ERBIN: variants seen among roughly 807,000 people sequenced by gnomAD.
ERBIN encodes erbb2 interacting protein.
A neutral mutation model predicts 158.4 loss-of-function variants in ERBIN; 60 were observed. The ratio of observed to expected loss-of-function variants is 0.38; its 90% CI spans 0.31 to 0.47. ERBIN has a LOEUF of 0.47. Among genes scored for constraint, ERBIN ranks in the 20% least tolerant of loss-of-function variants. The pLI is 0.99. For missense variants in ERBIN, 1,610 were observed against 1,648.0 expected, an observed-to-expected ratio of 0.98 and a Z score of 0.40; for synonymous variants, 594 against 557.2, an observed-to-expected ratio of 1.07 and a Z score of -0.93.
chr5:66,012,071 T>C lies in ERBIN; in HGVS notation c.330T>C (p.Asn110=). The part of the protein sequence containing the change: ...SKNGIQEFPE[N]IKNCKVLTIV... Reference sequence around the variant, plus strand: ...TAGGAATACAGGAGTTTCCAGAAAATATAAAAAATTGTAAAGTTTTGACAA... The same window carrying C: ...TAGGAATACAGGAGTTTCCAGAAAACATAAAAAATTGTAAAGTTTTGACAA... The change falls in exon 5 of 26, where the codon AAT becomes AAC. Residue 110 remains asparagine, a synonymous_variant. Transcript: ENST00000284037. 2 of 1,605,524 alleles carry C rather than the reference T, an allele frequency of 1.2e-6. No individual in the cohort carries two copies. The highest frequency in any genetic ancestry group is 1.7e-6 in the Non-Finnish European group (2 of 1,174,958).
In ERBIN at chr5:66,046,441, C is replaced by T. The variant is rs937952941; in HGVS notation, c.1691C>T (p.Pro564Leu). 5 of 1,612,054 alleles carry T rather than the reference C, an allele frequency of 3.1e-6. No homozygotes were observed. The Admixed American group carries it at 6.7e-5, about 22-fold the overall frequency. The change falls in exon 18 of 26, where the codon CCT (proline) becomes CTT (leucine). Residue 564 changes from proline (P) to leucine (L), a missense_variant. By Grantham distance (98) the Pro-to-Leu change is moderately conservative. Transcript: ENST00000284037. Reference sequence around the variant, plus strand: ...AACTCTGTACAGAAGATCAGTGAACCTGAAGCTGAGATTAGTCCTGGGAGT... The same window carrying T: ...AACTCTGTACAGAAGATCAGTGAACTTGAAGCTGAGATTAGTCCTGGGAGT... ...IGNSVQKISE[P>L]EAEISPGSLP...
At chr5:66,025,181 GT>G (rs2151151015) in intron 10 of ERBIN, 2 of 328,320 alleles carry the variant, frequency 6.1e-6, no homozygotes, top group South Asian at 7.2e-5. Context: ...CCATGACATT[GT>G]TTTTAGAAGC....
chr5:66,049,474 A>G (rs1758804402), intron 19 of ERBIN, among the ~76,000 whole-genome samples: 1 of 152,100 alleles, frequency 6.6e-6, no homozygotes, highest in South Asian at 2.1e-4. Flanking sequence ...CTAATTGCTT[A>G]GGTACTATAC....
At chr5:65,972,451 T>C (rs1208902535) in intron 1 of ERBIN, among the ~76,000 whole-genome samples, 1 of 151,394 alleles carries the variant, frequency 6.6e-6, no homozygotes, top group Non-Finnish European at 1.5e-5. Flanking sequence ...TTTAGAGAGA[T>C]GGGGAGTGCC....
At chr5:66,060,853 GAGT>G (rs1265896289) in intron 21 of ERBIN, among the ~76,000 whole-genome samples, 3 of 152,200 alleles carry the variant, frequency 2.0e-5, no homozygotes, top group Non-Finnish European at 4.4e-5. Flanking sequence ...GAGCGGTTTT[GAGT>G]GAGTTTCTTA....
intron 1 of ERBIN, among the ~76,000 whole-genome samples, chr5:65,970,389 G>C (rs1229544471): frequency 1.3e-5 from 2 of 152,028 alleles, no homozygotes; most frequent in African/African-American, 2.4e-5. Flanking sequence ...TTAAGTTCTA[G>C]CCCCCTGCTG....
intron 17 of ERBIN, 124 bp downstream of exon 17, chr5:66,044,434 G>T: frequency 5.7e-6 from 5 of 879,456 alleles, no homozygotes; most frequent in East Asian, 2.8e-5. Context: ...ATGATATTTC[G>T]GTCGACATGC....
intron 21 of ERBIN, among the ~76,000 whole-genome samples, chr5:66,064,857 T>G (rs1352400226): frequency 6.6e-6 from 1 of 152,188 alleles, no homozygotes; most frequent in African/African-American, 2.4e-5. Flanking sequence ...GTCATTAACC[T>G]TATTTAATTA....
In ERBIN at chr5:66,081,660, G is replaced by T. The variant is rs1401241085; in HGVS notation, c.*3130G>T. On this transcript the variant is annotated 3_prime_UTR_variant, in exon 26 of 26. Coordinates refer to ENST00000284037, the MANE Select transcript of ERBIN (RefSeq NM_001253697.2). ...TATATCTAGGTGTGGAAGAAGTGTAGTTTATCTCAAATTATTATTATTTAC... is the reference window on the plus strand; with the variant it reads ...TATATCTAGGTGTGGAAGAAGTGTATTTTATCTCAAATTATTATTATTTAC... 6.6e-6 allele frequency: 1 copy of T among 151,936 alleles called. No homozygotes were observed. The highest frequency in any genetic ancestry group is 1.5e-5 in the Non-Finnish European group (1 of 67,942). 9.4% of individuals were successfully genotyped at this position (151,936 alleles called of 1,614,324 possible).
chr5:65,939,221 G>A (rs1213179043), intron 1 of ERBIN, among the ~76,000 whole-genome samples: 2 of 151,982 alleles, frequency 1.3e-5, no homozygotes, highest in East Asian at 3.9e-4. Flanking sequence ...GGTGGATCAC[G>A]AGGCCAGGAG....
At position 66,053,554 on chromosome 5, in the gene ERBIN, A is replaced by G. The variant is rs16894812; in HGVS notation, c.2236A>G (p.Lys746Glu). The change falls in exon 21 of 26, where the codon AAA (lysine) becomes GAA (glutamate). Residue 746 changes from lysine to glutamate, a missense_variant. Around this residue, in one of 2 missense-constraint regions of ERBIN, gnomAD observed 1,014 missense variants for 936.1 expected, o/e 1.08. Coordinates refer to ENST00000284037, the MANE Select transcript of ERBIN (RefSeq NM_001253697.2). ...NVEERLVLIE[K>E]SVDSTATADD... ...TGAAGAGCGATTAGTTCTAATTGAG[A>G]AAAGTGTTGACTCAACAGCCACAGC... is the stretch of plus-strand genomic sequence containing the variant. 12,035 of 1,611,018 alleles carry G rather than the reference A, an allele frequency of 7.5e-3. 793 individuals are homozygous for G. The African/African-American group carries it at 0.14, about 19-fold the overall frequency.
chr5:65,935,408 GT>G (rs1370028528), intron 1 of ERBIN, among the ~76,000 whole-genome samples: 1 of 151,814 alleles, frequency 6.6e-6, no homozygotes, highest in Non-Finnish European at 1.5e-5. Context: ...AAATAGTTTT[GT>G]TTCCATATGT....
Position 66,054,763 on chromosome 5 carries a change from A to T in ERBIN, c.3445A>T (p.Ile1149Phe). 1 of 1,614,158 alleles carries T rather than the reference A, an allele frequency of 6.2e-7. No individual in the cohort carries two copies. The highest frequency in any genetic ancestry group is 2.2e-5 in the East Asian group (1 of 44,886). The change falls in exon 21 of 26, where the codon ATT becomes TTT. Residue 1149 changes from isoleucine (I) to phenylalanine (F), a missense_variant. Coordinates refer to ENST00000284037, the MANE Select transcript of ERBIN (RefSeq NM_001253697.2). The stretch of plus-strand genomic sequence containing the variant: ...AAGACCTCAGAGTGCTCGACCCTCT[A>T]TTAATGAAATACCAGAGAGAACTAT... The part of the protein sequence containing the change: ...ASRPQSARPS[I>F]NEIPERTMSV...
At chr5:65,926,876 T>A (rs570052523) in intron 1 of ERBIN, 70 bp downstream of exon 1, 2 of 152,220 alleles carry the variant, frequency 1.3e-5, no homozygotes, top group East Asian at 3.9e-4. Flanking sequence ...AAGAGATGAT[T>A]CTTTAGTGTT....
At chr5:65,951,325 T>C (rs1746479263) in intron 1 of ERBIN, among the ~76,000 whole-genome samples, 1 of 152,256 alleles carries the variant, frequency 6.6e-6, no homozygotes, top group Non-Finnish European at 1.5e-5. Flanking sequence ...GCAGGAATTT[T>C]AGCTTTGTTC....
intron 1 of ERBIN, among the ~76,000 whole-genome samples, chr5:65,950,662 G>A (rs1430266741): frequency 6.6e-6 from 1 of 152,174 alleles, no homozygotes; most frequent in African/African-American, 2.4e-5. Flanking sequence ...GCTAAGCTCT[G>A]CCTTCTTGAG....
At chr5:65,947,861 G>C (rs986269837) in intron 1 of ERBIN, among the ~76,000 whole-genome samples, 37 of 151,938 alleles carry the variant, frequency 2.4e-4, no homozygotes, top group African/African-American at 8.5e-4. Context: ...ACAAAAATTA[G>C]CCAGGCATGG....
intron 10 of ERBIN, 106 bp downstream of exon 10, chr5:66,024,556 A>G: frequency 9.1e-7 from 1 of 1,097,448 alleles, no homozygotes; most frequent in South Asian, 1.6e-5. Flanking sequence ...TCGTTACCAC[A>G]GGAACGGATT....
Position 66,046,494 on chromosome 5 carries a change from T to C in ERBIN, c.1744T>C (p.Ser582Pro). The change falls in exon 18 of 26, where the codon TCT becomes CCT. Residue 582 changes from serine to proline, a missense_variant. Ser to Pro is a moderately conservative substitution (Grantham distance 74, BLOSUM62 -1). Coordinates refer to ENST00000284037, the MANE Select transcript of ERBIN (RefSeq NM_001253697.2). The stretch of plus-strand genomic sequence containing the variant: ...ACCAGTGACTGCAAATATGAAAGCC[T>C]CTGAGAACTTGAAGCATATTGTTAA... ...SLPVTANMKA[S>P]ENLKHIVNHD... The C allele has an allele frequency of 6.2e-7, 1 of 1,607,404 alleles. No individual in the cohort carries two copies. The highest frequency in any genetic ancestry group is 2.2e-5 in the East Asian group (1 of 44,786).
Sources: allele counts gnomAD v4.1 joint callset (sites outside exome capture counted in the v4.1 genomes callset), GRCh38; gene constraint gnomAD v4.1.1; regional missense constraint gnomAD v4.1.1; transcripts MANE v1.5; gene names NCBI Gene and HGNC (gene_info 2026-07-23, HGNC 2026-07-21).